Variants in PDGFA observed in about 807,000 individuals in gnomAD.
The protein encoded by PDGFA is platelet-derived growth factor subunit A.
In PDGFA, 9 loss-of-function variants were observed where a neutral mutation model predicts 25.6. The observed-to-expected ratio is 0.35, with a 90% CI of 0.21 to 0.61. The LOEUF (loss-of-function observed/expected upper bound fraction) is 0.61. Among genes scored for constraint, PDGFA ranks in the 20% least tolerant of loss-of-function variants. The pLI, the probability that PDGFA is intolerant of heterozygous loss-of-function variation, is 0.75. For missense variants in PDGFA, 242 were observed against 272.8 expected (o/e 0.89, Z 0.79); for synonymous variants, 133 against 111.8 (o/e 1.19, Z -1.20).
chr7:512,769 A>G, intron 2 of PDGFA: 1 of 859,872 alleles, frequency 1.2e-6, no homozygotes, highest in Non-Finnish European at 1.6e-6. Context: ...GGTCTCCCCT[A>G]CGGTGCCTCC....
intron 2 of PDGFA, chr7:512,771 G>C (rs968215639): frequency 3.5e-6 from 3 of 852,834 alleles, no homozygotes; most frequent in Non-Finnish European, 4.8e-6. Flanking sequence ...TCTCCCCTAC[G>C]GTGCCTCCTC....
intron 3 of PDGFA, among the ~76,000 whole-genome samples, chr7:511,483 A>G (rs1005384498): frequency 6.6e-6 from 1 of 151,708 alleles, no homozygotes; most frequent in African/African-American, 2.4e-5. Flanking sequence ...TCTAGCCTTC[A>G]AAAGTGGTCT....
chr7:517,532 C>CGGGG lies in PDGFA; in HGVS notation c.64-43_64-42insCCCC. ...CACGGTCAGCGCCCGCGGCCCCGAC[C>CGGGG]CCGCCGGCACGCGCCCCCGGCCGCC... On this transcript the variant is annotated intron_variant, in intron 1 of 5. Coordinates refer to ENST00000402802, the Ensembl canonical transcript of PDGFA. The surrounding 1 kb of genome is among the most constrained non-coding windows in gnomAD (Gnocchi z 7.4). 1 of 948,214 alleles carries CGGGG rather than the reference C, an allele frequency of 1.1e-6. No homozygotes were observed. The highest frequency in any genetic ancestry group is 1.3e-6 in the Non-Finnish European group (1 of 750,572). The allele number at this position is 948,214 out of a possible 1,614,324, so 58.7% of individuals were successfully genotyped here. A position where few individuals can be genotyped will look rare whatever the true frequency, so the allele number is the denominator to read the frequency against.
At chr7:506,779 A>T (rs1782580825) in intron 4 of PDGFA, among the ~76,000 whole-genome samples, 1 of 151,484 alleles carries the variant, frequency 6.6e-6, no homozygotes, top group Non-Finnish European at 1.5e-5. Flanking sequence ...CCGGCCAGTC[A>T]CTCCCCCAGG....
chr7:513,521 C>CCG (rs1362644810), intron 2 of PDGFA: 5 of 151,904 alleles, frequency 3.3e-5, no homozygotes, highest in Non-Finnish European at 7.4e-5. Flanking sequence ...CCATCCTGCC[C>CCG]CCCCCACCAT....
In PDGFA at chr7:517,426, TC is replaced by T; in HGVS notation, c.127del (p.Asp43ThrfsTer8). The T allele has an allele frequency of 7.2e-7, 1 of 1,391,666 alleles. No individual in the cohort carries two copies. Among genetic ancestry groups the T allele is most frequent in the Middle Eastern group, 2.1e-4 (1 of 4,846 alleles). The allele number at this position is 1,391,666 out of a possible 1,614,324, so 86.2% of individuals were successfully genotyped here. ...GTCTATCTCCAGGAGTCGCTGGAGG[TC>T]CCGGATGCTGTGGATCTGACTGCGG... On this transcript the variant is annotated frameshift_variant, in exon 2 of 6. Coordinates refer to ENST00000402802, the Ensembl canonical transcript of PDGFA. LOFTEE classifies it high-confidence loss of function. The surrounding 1 kb of genome is among the most constrained non-coding windows in gnomAD (Gnocchi z 7.4).
intron 4 of PDGFA, among the ~76,000 whole-genome samples, chr7:508,120 G>A (rs748106077): frequency 1.2e-4 from 19 of 152,084 alleles, no homozygotes; most frequent in Non-Finnish European, 2.5e-4. Flanking sequence ...ACGAGGAAAC[G>A]ACCCGGCTGG....
intron 4 of PDGFA, 143 bp downstream of exon 4, chr7:510,666 G>A (rs1782768448): frequency 2.0e-6 from 1 of 500,660 alleles, no homozygotes; most frequent in African/African-American, 2.6e-5. Context: ...GATGCAGGAG[G>A]GACCCTGGCT....
exon 6 of PDGFA, chr7:497,939 T>TTAAAAAAAAAAAAAAAAAAAAAAAAAA (rs1554272950): frequency 5.0e-5 from 1 of 20,138 alleles, no homozygotes; most frequent in South Asian, 4.2e-3. Flanking sequence ...CTTTATGGTG[T>TTAAAAAAAAAAAAAAAAAAAAAAAAAA]AAAAAAAAAA....
At chr7:512,831 G>A (rs150909339) in intron 2 of PDGFA, 16 of 371,602 alleles carry the variant, frequency 4.3e-5, no homozygotes, top group East Asian at 2.9e-4. Context: ...GCCTGAGGCC[G>A]CCCAGCTCCG....
intron 4 of PDGFA, among the ~76,000 whole-genome samples, chr7:504,941 G>A (rs1056433259): frequency 1.3e-5 from 2 of 152,202 alleles, no homozygotes; most frequent in South Asian, 4.1e-4. Flanking sequence ...TCTGGGCACC[G>A]TGCGAAAGGC....
chr7:519,278 G>A (rs1447778216), exon 1 of PDGFA: 3 of 319,184 alleles, frequency 9.4e-6, no homozygotes, highest in Non-Finnish European at 1.7e-5. Context: ...GACGGAAGGG[G>A]CGGAGGGCGG....
chr7:505,248 C>T lies in PDGFA; in HGVS notation c.454-4006G>A, dbSNP rs945498713. 2.6e-5 allele frequency among the ~76,000 whole-genome samples: 4 copies of T among 152,332 alleles called. No homozygotes were observed. In the East Asian group the frequency reaches 5.8e-4, roughly 22 times the overall value. Reference sequence around the variant, plus strand: ...GGCCCCCAGGCCCCAAGCCGAAGCCCAAGTGATGGGGGGGGTCCCCATGTC... The same window carrying T: ...GGCCCCCAGGCCCCAAGCCGAAGCCTAAGTGATGGGGGGGGTCCCCATGTC... On this transcript the variant is annotated intron_variant, in intron 4 of 5. Transcript: ENST00000402802.
rs1783170529 is a variant in PDGFA, at chr7:517,658, G to T, written c.64-168C>A. ...CCTCGCCCCGGCCCTGGAACCAGAAGCCGGGGGTGGGGCTGGAAGAGACCC... is the reference window on the plus strand; with the variant it reads ...CCTCGCCCCGGCCCTGGAACCAGAATCCGGGGGTGGGGCTGGAAGAGACCC... On this transcript the variant is annotated intron_variant, in intron 1 of 5. Coordinates refer to ENST00000402802, the Ensembl canonical transcript of PDGFA. This position sits in a 1 kb window ranked among gnomAD's most constrained non-coding sequence, Gnocchi z 7.4. 6.6e-6 allele frequency among the ~76,000 whole-genome samples: 1 copy of T among 151,370 alleles called. No homozygotes were observed. The highest frequency in any genetic ancestry group is 2.4e-5 in the African/African-American group (1 of 41,292).
chr7:519,162 G>C, exon 1 of PDGFA: 1 of 504,976 alleles, frequency 2.0e-6, no homozygotes, highest in Non-Finnish European at 3.5e-6. Context: ...CGCCCGGCGC[G>C]AGCAGTGAGT....
At chr7:512,523 G>T (rs763122602) in intron 2 of PDGFA, 68 bp from the exon 3 acceptor site, 4 of 1,608,508 alleles carry the variant, frequency 2.5e-6, no homozygotes, top group Non-Finnish European at 1.7e-6. Flanking sequence ...CTGTCCAGCC[G>T]CACTTCCCAC....
chr7:503,579 G>C (rs1034666265), intron 4 of PDGFA, among the ~76,000 whole-genome samples: 2 of 152,178 alleles, frequency 1.3e-5, no homozygotes, highest in Admixed American at 1.3e-4. Flanking sequence ...GGGGACTCCA[G>C]ACTCTGGAGA....
At chr7:498,375 C>T in exon 6 of PDGFA, 1 of 599,440 alleles carries the variant, frequency 1.7e-6, no homozygotes. Context: ...CCGAGTGCTA[C>T]AATACTTGCT....
rs113910684 is a variant in PDGFA at position 503,233 on chromosome 7, C to T, written c.454-1991G>A. Reference sequence around the variant, plus strand: ...ACACCAGGGAATAGCCACCACCTTCCTGCCCTCCCAGGCCCTGGGGAGCTG... The same window carrying T: ...ACACCAGGGAATAGCCACCACCTTCTTGCCCTCCCAGGCCCTGGGGAGCTG... On this transcript the variant is annotated intron_variant, in intron 4 of 5. Coordinates refer to ENST00000402802, the Ensembl canonical transcript of PDGFA. Among the ~76,000 whole-genome samples, 947 of 152,320 alleles carry T rather than the reference C, an allele frequency of 6.2e-3. 6 individuals are homozygous for T. Among genetic ancestry groups the T allele is most frequent in the African/African-American group, 0.021 (869 of 41,564 alleles).
Sources: allele counts gnomAD v4.1 joint callset (sites outside exome capture counted in the v4.1 genomes callset), GRCh38; gene constraint gnomAD v4.1.1; non-coding constraint Gnocchi (gnomAD v3.1); transcripts MANE v1.5; gene names NCBI Gene and HGNC (gene_info 2026-07-23, HGNC 2026-07-21).